PTPRD: variants seen among roughly 807,000 people sequenced by gnomAD.
PTPRD encodes the protein receptor-type tyrosine-protein phosphatase delta.
In PTPRD, 34 loss-of-function variants were observed where a neutral mutation model predicts 214.5. That is an observed-to-expected ratio of 0.16 (90% confidence interval 0.12 to 0.21). The LOEUF is 0.21. Among genes scored for constraint, PTPRD ranks in the 10% least tolerant of loss-of-function variants. The pLI, the probability that PTPRD is intolerant of heterozygous loss-of-function variation, is 1.00. For missense variants in PTPRD, 2,545 were observed against 2,398.7 expected (o/e 1.06, Z -1.27); for synonymous variants, 1,128 against 845.7 (o/e 1.33, Z -5.79).
chr9:8,563,085 C>A (rs1475147390), intron 14 of PTPRD, among the ~76,000 whole-genome samples: 1 of 152,116 alleles, frequency 6.6e-6, no homozygotes, highest in African/African-American at 2.4e-5. Flanking sequence ...TGTTGAACAA[C>A]ATGAGTGAAT....
chr9:10,517,939 A>G (rs2050694740), intron 2 of PTPRD, among the ~76,000 whole-genome samples: 1 of 152,182 alleles, frequency 6.6e-6, no homozygotes, highest in Non-Finnish European at 1.5e-5. Flanking sequence ...TAAGGTAGAG[A>G]GTTTTGAACA....
At chr9:10,233,361 A>G (rs1322142) in intron 3 of PTPRD, among the ~76,000 whole-genome samples, 61,617 of 151,806 alleles carry the variant, frequency 0.41, 14,039 homozygotes, top group Admixed American at 0.54. Context: ...GTTCTCTGAG[A>G]CAGCATTATG....
chr9:9,516,329 G>A (rs1590403441), intron 8 of PTPRD, among the ~76,000 whole-genome samples: 1 of 152,006 alleles, frequency 6.6e-6, no homozygotes, highest in East Asian at 1.9e-4. Context: ...TGTCTTGTGA[G>A]AAAATTATCC....
chr9:9,201,503 T>C (rs1435451684), intron 9 of PTPRD, among the ~76,000 whole-genome samples: 1 of 152,042 alleles, frequency 6.6e-6, no homozygotes, highest in Non-Finnish European at 1.5e-5. Flanking sequence ...AATAAGGCAA[T>C]AGGATAGGAT....
At chr9:10,029,045 C>T (rs1283427059) in intron 4 of PTPRD, among the ~76,000 whole-genome samples, 3 of 152,084 alleles carry the variant, frequency 2.0e-5, no homozygotes, top group African/African-American at 7.2e-5. Context: ...CTGAAAGGGG[C>T]CAACATAGAG....
chr9:10,529,197 G>A (rs895934724), intron 2 of PTPRD, among the ~76,000 whole-genome samples: 7 of 152,074 alleles, frequency 4.6e-5, no homozygotes, highest in African/African-American at 1.7e-4. Context: ...AATACCATTT[G>A]ATCCAGCAAT....
intron 8 of PTPRD, among the ~76,000 whole-genome samples, chr9:9,417,706 A>AT (rs1569568135): frequency 6.6e-6 from 1 of 152,024 alleles, no homozygotes; most frequent in South Asian, 2.1e-4. Flanking sequence ...ATGCTAGTCT[A>AT]TTTTTTTAAA....
chr9:10,086,186 T>C (rs2098334302), intron 3 of PTPRD, among the ~76,000 whole-genome samples: 1 of 151,828 alleles, frequency 6.6e-6, no homozygotes, highest in South Asian at 2.1e-4. Context: ...CAAAGTCTAA[T>C]AGTAAAAATC....
rs74695360 is a variant in PTPRD, at chr9:8,953,256, A to C, written c.-104+65441T>G. The stretch of plus-strand genomic sequence containing the variant: ...GGTCGCTACAGCTGAGAAATGAGAA[A>C]TGCCCAGATAGATAACTGGCTGTCC... On this transcript the variant is annotated intron_variant, in intron 11 of 45. Transcript: ENST00000381196. 4.6e-3 allele frequency among the ~76,000 whole-genome samples: 701 copies of C among 151,960 alleles called. 9 individuals are homozygous for C. The highest frequency in any genetic ancestry group is 0.016 in the African/African-American group (677 of 41,508).
At chr9:9,573,882 T>A (rs1035055455) in intron 8 of PTPRD, among the ~76,000 whole-genome samples, 1 of 151,826 alleles carries the variant, frequency 6.6e-6, no homozygotes, top group Non-Finnish European at 1.5e-5. Context: ...TAAAACATCT[T>A]TTTCAAGATA....
intron 7 of PTPRD, among the ~76,000 whole-genome samples, chr9:9,727,419 T>A (rs1051013390): frequency 1.5e-4 from 23 of 152,118 alleles, no homozygotes; most frequent in Admixed American, 7.9e-4. Flanking sequence ...CACTGCACTC[T>A]AGCCTGGATA....
chr9:10,391,821 G>A (rs1392751416), intron 2 of PTPRD, among the ~76,000 whole-genome samples: 2 of 151,730 alleles, frequency 1.3e-5, no homozygotes, highest in Non-Finnish European at 2.9e-5. Context: ...TCCTTACTGT[G>A]AACTTACTCA....
intron 11 of PTPRD, among the ~76,000 whole-genome samples, chr9:8,863,038 T>C (rs10977326): frequency 0.57 from 86,102 of 151,908 alleles, 24,517 homozygotes; most frequent in East Asian, 0.69. Flanking sequence ...GCACAATGTG[T>C]ACATGTACCC....
In PTPRD at chr9:8,314,260, AT is replaced by A. The variant is rs1224477901; in HGVS notation, c.*3613del. ...AAGGCCAGGGCTGCATAACACTGAC[AT>A]TTTTATTAGAATTCATTTGTAACAA... On this transcript the variant is annotated 3_prime_UTR_variant, in exon 46 of 46. Transcript: ENST00000381196. 2 of 211,470 alleles carry A rather than the reference AT, an allele frequency of 9.5e-6. No homozygotes were observed. The highest frequency in any genetic ancestry group is 1.9e-5 in the Non-Finnish European group (2 of 103,954). The allele number at this position is 211,470 out of a possible 1,614,324, so 13.1% of individuals were successfully genotyped here. A position where few individuals can be genotyped will look rare whatever the true frequency, so the allele number is the denominator to read the frequency against.
chr9:8,470,252 T>C (rs1403486725), intron 31 of PTPRD, among the ~76,000 whole-genome samples: 1 of 152,124 alleles, frequency 6.6e-6, no homozygotes, highest in Admixed American at 6.6e-5. Flanking sequence ...TCAACACTTC[T>C]GGATCATATT....
chr9:8,840,300 G>A lies in PTPRD; in HGVS notation c.-103-106354C>T, dbSNP rs536642849. 7.2e-5 allele frequency among the ~76,000 whole-genome samples: 11 copies of A among 152,220 alleles called. No homozygotes were observed. The East Asian group carries it at 9.7e-4, about 13-fold the overall frequency. On this transcript the variant is annotated intron_variant, in intron 11 of 45. Coordinates refer to ENST00000381196, the MANE Select transcript of PTPRD (RefSeq NM_002839.4). ...GGCAGGTTTTTCCCATGCTGTTCTC[G>A]TGATAGCAAATAAATGTCACAAGAT...
intron 3 of PTPRD, among the ~76,000 whole-genome samples, chr9:10,161,655 G>A (rs544395968): frequency 1.3e-4 from 19 of 151,792 alleles, no homozygotes; most frequent in African/African-American, 4.3e-4. Flanking sequence ...TTTCGTGTAA[G>A]ACCACAAAAG....
At chr9:10,075,579 A>T (rs1305792702) in intron 3 of PTPRD, among the ~76,000 whole-genome samples, 1 of 151,996 alleles carries the variant, frequency 6.6e-6, no homozygotes, top group Non-Finnish European at 1.5e-5. Flanking sequence ...TCACTGATAA[A>T]TCACAAGTGT....
At chr9:10,384,594 A>G (rs1274018267) in intron 2 of PTPRD, among the ~76,000 whole-genome samples, 4 of 151,744 alleles carry the variant, frequency 2.6e-5, no homozygotes, top group Non-Finnish European at 4.4e-5. Context: ...ACAGAGTAAA[A>G]TATCACAAAA....
Sources: gnomAD v4.1 joint callset for allele counts (sites outside exome capture counted in the v4.1 genomes callset) on GRCh38, gnomAD v4.1.1 for gene constraint, MANE v1.5 for transcripts, NCBI Gene and HGNC (gene_info 2026-07-23, HGNC 2026-07-21) for gene names.